Variants in SNX6 observed in about 807,000 individuals in gnomAD.
SNX6 encodes the protein sorting nexin 6.
SNX6 carries 34 observed loss-of-function variants against 63.0 expected under a neutral mutation model. The observed-to-expected ratio is 0.54, with a 90% CI of 0.41 to 0.72. The LOEUF (loss-of-function observed/expected upper bound fraction) is 0.72, where lower values mean the gene tolerates loss of function less well. Ranked by LOEUF, SNX6 falls within the 30% of genes least tolerant of loss-of-function variation. SNX6 has a pLI of 0.00. For missense variants in SNX6, 398 were observed against 471.4 expected (o/e 0.84, Z 1.44); for synonymous variants, 170 against 164.2 (o/e 1.04, Z -0.27).
In SNX6 at chr14:34,609,677, A is replaced by G. The variant is rs201184947; in HGVS notation, c.120T>C (p.Leu40=). 22 of 1,612,892 alleles carry G rather than the reference A, an allele frequency of 1.4e-5. No homozygotes were observed. In the Admixed American group the frequency reaches 3.5e-4, roughly 26 times the overall value. The change falls in exon 3 of 14, where the codon CTT becomes CTC. Residue 40 remains leucine, a synonymous_variant. Coordinates refer to ENST00000362031, the MANE Select transcript of SNX6 (RefSeq NM_152233.4). ...TGAATTTTACTTTATCCCGCTCACT[A>G]AGAGCATCAGAAATGTCCACCTGCA... ...AALQVDISDA[L]SERDKVKFTV...
chr14:34,593,203 A>G, intron 7 of SNX6, 53 bp from the exon 8 acceptor site: 2 of 1,049,820 alleles, frequency 1.9e-6, no homozygotes, highest in East Asian at 2.6e-5. Context: ...CTTTAGTTTT[A>G]TATGTAAATA....
In SNX6 at chr14:34,597,618, CTTTTT is replaced by C. The variant is rs1566480469; in HGVS notation, c.539_543del (p.Lys180ArgfsTer4). 1 of 1,606,310 alleles carries C rather than the reference CTTTTT, an allele frequency of 6.2e-7. No homozygotes were observed. Among genetic ancestry groups the C allele is most frequent in the African/African-American group, 1.3e-5 (1 of 74,604 alleles). On this transcript the variant is annotated frameshift_variant, in exon 7 of 14. Transcript: ENST00000362031. LOFTEE classifies it high-confidence loss of function. ...TTTTTAAAGAAGTCTTCAAGTTTCTCTTTTTTATTTTTTCCTCGCACACTCAACTG... is the reference window on the plus strand; with the variant it reads ...TTTTTAAAGAAGTCTTCAAGTTTCTCTATTTTTTCCTCGCACACTCAACTG...
intron 11 of SNX6, among the ~76,000 whole-genome samples, chr14:34,574,370 C>T (rs1289176601): frequency 6.6e-6 from 1 of 150,446 alleles, no homozygotes; most frequent in East Asian, 2.0e-4. Context: ...GAAATCCTTT[C>T]GCAGTATGTG....
At chr14:34,574,639 A>G (rs1030432893) in intron 11 of SNX6, among the ~76,000 whole-genome samples, 104 of 151,490 alleles carry the variant, frequency 6.9e-4, no homozygotes, top group Non-Finnish European at 1.1e-3. Context: ...AAAAAAAAAA[A>G]AAAGAAAGAA....
At chr14:34,623,021 T>C (rs996340515) in intron 2 of SNX6, among the ~76,000 whole-genome samples, 4 of 152,210 alleles carry the variant, frequency 2.6e-5, no homozygotes, top group Non-Finnish European at 5.9e-5. Context: ...TTTTACTTTG[T>C]ACTCCCATAC....
rs551819865 is a variant in SNX6 at position 34,597,565 on chromosome 14, G to T, written c.597C>A (p.Ile199=). The T allele has an allele frequency of 6.3e-7, 1 of 1,596,274 alleles. No homozygotes were observed. Among genetic ancestry groups the T allele is most frequent in the South Asian group, 1.1e-5 (1 of 89,082 alleles). Reference sequence around the variant, plus strand: ...AAAATCTTACCTTTACTCCTGAAACGATTACTCCATCTGCTGATTTAACCA... The same window carrying T: ...AAAATCTTACCTTTACTCCTGAAACTATTACTCCATCTGCTGATTTAACCA... ...KNMVKSADGV[I]VSGVKDVDDF... Residue 199 remains isoleucine, a synonymous_variant, in exon 7 of 14, where the codon ATC becomes ATA. Coordinates refer to ENST00000362031, the MANE Select transcript of SNX6 (RefSeq NM_152233.4).
chr14:34,616,569 G>A (rs1175209564), intron 2 of SNX6, among the ~76,000 whole-genome samples: 1 of 152,006 alleles, frequency 6.6e-6, no homozygotes, highest in Non-Finnish European at 1.5e-5. Context: ...TGTTGCCCAG[G>A]CTGGTCTTGA....
At chr14:34,566,944 C>T (rs955762588) in intron 13 of SNX6, among the ~76,000 whole-genome samples, 2 of 152,058 alleles carry the variant, frequency 1.3e-5, no homozygotes, top group South Asian at 2.1e-4. Context: ...AAAACCTGGC[C>T]GGGCATGGTG....
intron 6 of SNX6, among the ~76,000 whole-genome samples, chr14:34,598,906 T>C (rs1362245320): frequency 6.6e-6 from 1 of 152,128 alleles, no homozygotes; most frequent in Non-Finnish European, 1.5e-5. Context: ...TAAAAATAGG[T>C]GGGGCTTTTG....
At chr14:34,566,584 A>G (rs975564426) in intron 13 of SNX6, among the ~76,000 whole-genome samples, 1 of 152,248 alleles carries the variant, frequency 6.6e-6, no homozygotes, top group South Asian at 2.1e-4. Context: ...ACTGGTTTCC[A>G]TATTAGGTAT....
chr14:34,627,038 A>G (rs750490019), intron 2 of SNX6, among the ~76,000 whole-genome samples: 1 of 152,188 alleles, frequency 6.6e-6, no homozygotes, highest in African/African-American at 2.4e-5. Context: ...TTTTAGAGAC[A>G]GGACCTCACT....
intron 5 of SNX6, chr14:34,604,121 T>G: frequency 8.0e-7 from 1 of 1,244,204 alleles, no homozygotes; most frequent in Non-Finnish European, 1.0e-6. Flanking sequence ...GCAAGAAGGA[T>G]AAGTTTTACA....
At chr14:34,581,432 A>C (rs755148751) in intron 10 of SNX6, 129 bp downstream of exon 10, 39 of 488,702 alleles carry the variant, frequency 8.0e-5, no homozygotes, top group Non-Finnish European at 1.3e-4. Flanking sequence ...GATTACAGGC[A>C]CGAGCCACGT....
chr14:34,628,216 T>C (rs1344278126), intron 2 of SNX6, among the ~76,000 whole-genome samples: 1 of 151,852 alleles, frequency 6.6e-6, no homozygotes, highest in East Asian at 2.0e-4. Context: ...TCCCAGCACT[T>C]TGGGAGGCCG....
chr14:34,585,097 CCG>C (rs1274979821), intron 9 of SNX6, among the ~76,000 whole-genome samples: 3 of 152,126 alleles, frequency 2.0e-5, no homozygotes, highest in Non-Finnish European at 4.4e-5. Context: ...GGTGTTCTGC[CCG>C]CCTCGGCCTC....
rs747851305 is a variant in SNX6 at position 34,567,733 on chromosome 14, T to C, written c.1120A>G (p.Arg374Gly). The change falls in exon 13 of 14, where the codon AGA becomes GGA. Residue 374 changes from arginine (R) to glycine (G), a missense_variant. Physicochemically the swap from Arg to Gly is moderately radical, Grantham distance 125. Coordinates refer to ENST00000362031, the MANE Select transcript of SNX6 (RefSeq NM_152233.4). ...DFKTRRVAAFRKNLVELAELE... is the reference protein window; with the variant it reads ...DFKTRRVAAFGKNLVELAELE... ...TCTGCCAGTTCCACTAAATTTTTTCTGAATGCAGCAACTCTTCTTGTCTTA... is the reference window on the plus strand; with the variant it reads ...TCTGCCAGTTCCACTAAATTTTTTCCGAATGCAGCAACTCTTCTTGTCTTA... The C allele has an allele frequency of 1.9e-6, 3 of 1,613,850 alleles. No homozygotes were observed. Among genetic ancestry groups the C allele is most frequent in the Non-Finnish European group, 1.7e-6 (2 of 1,179,884 alleles).
In SNX6 at chr14:34,609,663, T is replaced by G. The variant is rs758765120; in HGVS notation, c.134A>C (p.Lys45Thr). The change falls in exon 3 of 14, where the codon AAA (lysine) becomes ACA (threonine). Residue 45 changes from lysine (K) to threonine (T), a missense_variant. Transcript: ENST00000362031. ...CTTTGTGTGAACAGTGAATTTTACT[T>G]TATCCCGCTCACTAAGAGCATCAGA... The part of the protein sequence containing the change: ...DISDALSERD[K>T]VKFTVHTKSS... 3 of 1,611,242 alleles carry G rather than the reference T, an allele frequency of 1.9e-6. No homozygotes were observed.
intron 2 of SNX6, among the ~76,000 whole-genome samples, chr14:34,612,290 G>A (rs996030453): frequency 2.6e-5 from 4 of 152,080 alleles, no homozygotes; most frequent in Non-Finnish European, 5.9e-5. Context: ...TGGCTCCCCA[G>A]GAGGTATCTA....
intron 6 of SNX6, among the ~76,000 whole-genome samples, chr14:34,598,548 T>A (rs945934268): frequency 2.0e-5 from 3 of 152,176 alleles, no homozygotes; most frequent in Non-Finnish European, 2.9e-5. Flanking sequence ...TGTACCATCA[T>A]GCCCAACTAT....
Sources: allele counts gnomAD v4.1 joint callset (sites outside exome capture counted in the v4.1 genomes callset), GRCh38; gene constraint gnomAD v4.1.1; transcripts MANE v1.5; gene names NCBI Gene and HGNC (gene_info 2026-07-23, HGNC 2026-07-21).